PTPRD: variants seen among roughly 807,000 people sequenced by gnomAD.
The protein encoded by PTPRD is protein tyrosine phosphatase receptor type D.
PTPRD carries 34 observed loss-of-function variants against 214.5 expected under a neutral mutation model. That is an observed-to-expected ratio of 0.16 (90% CI 0.12 to 0.21). PTPRD has a LOEUF of 0.21. Ranked by LOEUF, PTPRD falls within the 10% of genes least tolerant of loss-of-function variation. The pLI is 1.00. For missense variants in PTPRD, 2,545 were observed against 2,398.7 expected (o/e 1.06, Z -1.27); for synonymous variants, 1,128 against 845.7 (o/e 1.33, Z -5.79).
chr9:9,055,959 G>A (rs1377806849), intron 10 of PTPRD, among the ~76,000 whole-genome samples: 1 of 151,966 alleles, frequency 6.6e-6, no homozygotes, highest in Non-Finnish European at 1.5e-5. Flanking sequence ...GGTTTATTCT[G>A]CTGGACTTCT....
chr9:10,130,980 C>G (rs75499833), intron 3 of PTPRD, among the ~76,000 whole-genome samples: 1,840 of 152,154 alleles, frequency 0.012, 41 homozygotes, highest in African/African-American at 0.042. Context: ...GAATAGATCC[C>G]TAAAGCTCTA....
intron 5 of PTPRD, among the ~76,000 whole-genome samples, chr9:9,934,345 GA>G (rs1235196139): frequency 2.0e-5 from 3 of 150,424 alleles, no homozygotes; most frequent in African/African-American, 7.4e-5. Flanking sequence ...TAATAAAGAA[GA>G]AAAGAGAGAA....
intron 4 of PTPRD, among the ~76,000 whole-genome samples, chr9:9,958,081 A>C (rs1373084233): frequency 6.6e-6 from 1 of 152,234 alleles, no homozygotes; most frequent in Non-Finnish European, 1.5e-5. Context: ...GCATAACTTA[A>C]AATAGATCAA....
At chr9:8,525,715 G>A (rs2073930636) in intron 17 of PTPRD, among the ~76,000 whole-genome samples, 1 of 152,144 alleles carries the variant, frequency 6.6e-6, no homozygotes, top group Non-Finnish European at 1.5e-5. Context: ...CATGGCCTGT[G>A]CCACAAGGAA....
chr9:9,911,159 C>A (rs528487350), intron 5 of PTPRD, among the ~76,000 whole-genome samples: 1 of 151,972 alleles, frequency 6.6e-6, no homozygotes, highest in Non-Finnish European at 1.5e-5. Context: ...ACAAGGCTTT[C>A]ACATTTCTAG....
chr9:10,570,563 C>T (rs1346558741), intron 2 of PTPRD, among the ~76,000 whole-genome samples: 2 of 152,198 alleles, frequency 1.3e-5, no homozygotes, highest in South Asian at 2.1e-4. Flanking sequence ...GAAAAATGCA[C>T]ACACATACAC....
intron 3 of PTPRD, among the ~76,000 whole-genome samples, chr9:10,083,774 G>A (rs1050477171): frequency 3.9e-5 from 6 of 151,922 alleles, no homozygotes; most frequent in African/African-American, 7.2e-5. Context: ...TAAGGAGCAC[G>A]CGACCTAGAT....
intron 8 of PTPRD, among the ~76,000 whole-genome samples, chr9:9,457,414 T>G (rs1233659229): frequency 6.6e-6 from 1 of 152,028 alleles, no homozygotes; most frequent in Non-Finnish European, 1.5e-5. Context: ...TTAATTGAAC[T>G]GAAAGTTTAA....
intron 14 of PTPRD, among the ~76,000 whole-genome samples, chr9:8,589,226 C>T (rs905209232): frequency 6.6e-6 from 1 of 152,294 alleles, no homozygotes. Context: ...AACCCACCAA[C>T]CAAACAAGCA....
chr9:8,608,121 C>CTT (rs540724494), intron 14 of PTPRD, among the ~76,000 whole-genome samples: 21 of 140,198 alleles, frequency 1.5e-4, no homozygotes, highest in African/African-American at 5.6e-4. Flanking sequence ...ATTTCTAAAC[C>CTT]TTTTTTTTTT....
intron 6 of PTPRD, among the ~76,000 whole-genome samples, chr9:9,766,511 T>C (rs943138325): frequency 1.3e-5 from 2 of 152,214 alleles, no homozygotes; most frequent in African/African-American, 2.4e-5. Context: ...TAAAGACATG[T>C]TAAACATCTT....
chr9:9,128,319 G>A lies in PTPRD; in HGVS notation c.-143+54985C>T, dbSNP rs368632438. 1.0e-3 allele frequency among the ~76,000 whole-genome samples: 153 copies of A among 152,146 alleles called. 1 individual carries two copies. The highest frequency in any genetic ancestry group is 3.6e-3 in the African/African-American group (151 of 41,476). On this transcript the variant is annotated intron_variant, in intron 10 of 45. Transcript: ENST00000381196. ...TTTAACCTTCCGAACTCATACATTT[G>A]CGCACAGAAACATAAACACACATAT...
At chr9:9,132,181 G>A (rs1170248139) in intron 10 of PTPRD, among the ~76,000 whole-genome samples, 1 of 152,006 alleles carries the variant, frequency 6.6e-6, no homozygotes, top group African/African-American at 2.4e-5. Flanking sequence ...CTAATTTTTT[G>A]TATTTTTTTG....
At chr9:10,009,587 G>T (rs115259769) in intron 4 of PTPRD, among the ~76,000 whole-genome samples, 1 of 151,848 alleles carries the variant, frequency 6.6e-6, no homozygotes, top group South Asian at 2.1e-4. Flanking sequence ...AGTCTCATAG[G>T]TGCCTACCTT....
At chr9:10,067,087 T>G (rs2097900947) in intron 3 of PTPRD, among the ~76,000 whole-genome samples, 1 of 151,928 alleles carries the variant, frequency 6.6e-6, no homozygotes, top group African/African-American at 2.4e-5. Context: ...CACTATTCTC[T>G]CCAAGTAAGT....
At chr9:8,675,002 TA>T (rs1351090106) in intron 12 of PTPRD, among the ~76,000 whole-genome samples, 1 of 152,156 alleles carries the variant, frequency 6.6e-6, no homozygotes, top group African/African-American at 2.4e-5. Flanking sequence ...AACCAGGGTA[TA>T]TTTTTTTTTC....
At chr9:9,347,121 C>G (rs1442655819) in intron 9 of PTPRD, among the ~76,000 whole-genome samples, 1 of 152,074 alleles carries the variant, frequency 6.6e-6, no homozygotes, top group Non-Finnish European at 1.5e-5. Context: ...AAGCTGTGGT[C>G]TTACTACAAT....
chr9:10,413,515 T>C (rs774898929), intron 2 of PTPRD, among the ~76,000 whole-genome samples: 8 of 151,968 alleles, frequency 5.3e-5, no homozygotes, highest in African/African-American at 7.2e-5. Flanking sequence ...ATCAATATCA[T>C]TAAAATGGCC....
chr9:8,367,745 A>C (rs2080325561), intron 39 of PTPRD, among the ~76,000 whole-genome samples: 1 of 152,198 alleles, frequency 6.6e-6, no homozygotes, highest in Admixed American at 6.5e-5. Flanking sequence ...TTCTTTGTGG[A>C]CATTAACAGA....
Sources: allele counts gnomAD v4.1 joint callset (sites outside exome capture counted in the v4.1 genomes callset), GRCh38; gene constraint gnomAD v4.1.1; transcripts MANE v1.5; gene names NCBI Gene and HGNC (gene_info 2026-07-23, HGNC 2026-07-21).